The following ITSN1 variants were observed in gnomAD, a reference collection of about 807,000 sequenced individuals.
ITSN1 encodes intersectin 1.
Under a neutral mutation model 239.8 loss-of-function variants are expected in ITSN1, and 58 were observed. The observed-to-expected ratio is 0.24, with a 90% confidence interval of 0.20 to 0.30. The LOEUF (loss-of-function observed/expected upper bound fraction) is 0.30. Among genes scored for constraint, ITSN1 ranks in the 10% least tolerant of loss-of-function variants. The pLI, the probability that ITSN1 is intolerant of heterozygous loss-of-function variation, is 1.00. For synonymous variants in ITSN1, 780 were observed against 770.8 expected, an observed-to-expected ratio of 1.01 and a Z score of -0.20; for missense variants, 1,558 against 2,103.3, an observed-to-expected ratio of 0.74 and a Z score of 5.07.
At chr21:33,729,327 G>T (rs2066021515) in intron 4 of ITSN1, among the ~76,000 whole-genome samples, 1 of 152,022 alleles carries the variant, frequency 6.6e-6, no homozygotes, top group Non-Finnish European at 1.5e-5. Context: ...GCACATGCCT[G>T]TAGTCTCAGC....
intron 1 of ITSN1, among the ~76,000 whole-genome samples, chr21:33,669,185 C>T (rs1466576385): frequency 2.0e-5 from 3 of 152,076 alleles, no homozygotes; most frequent in East Asian, 1.9e-4. Flanking sequence ...TGGGTTCAAG[C>T]GATTCTCCTG....
At chr21:33,818,517 G>A (rs763361314) in intron 23 of ITSN1, 45 bp downstream of exon 23, 2 of 1,476,552 alleles carry the variant, frequency 1.4e-6, no homozygotes, top group Non-Finnish European at 1.9e-6. Flanking sequence ...AACAATATTA[G>A]GCGTTATATT....
At chr21:33,876,112 T>C (rs1420243942) in intron 34 of ITSN1, among the ~76,000 whole-genome samples, 6 of 5,832 alleles carry the variant, frequency 1.0e-3, no homozygotes, top group African/African-American at 8.2e-3. Context: ...CTTCTTTCTT[T>C]CTTTCTTTCT....
intron 33 of ITSN1, among the ~76,000 whole-genome samples, chr21:33,874,587 C>G (rs953579106): frequency 1.3e-5 from 2 of 152,016 alleles, no homozygotes; most frequent in Non-Finnish European, 2.9e-5. Flanking sequence ...GATGCCTGGG[C>G]TCTGCTCCTG....
At chr21:33,647,599 G>C (rs926539258) in intron 1 of ITSN1, among the ~76,000 whole-genome samples, 1 of 151,980 alleles carries the variant, frequency 6.6e-6, no homozygotes, top group East Asian at 1.9e-4. Context: ...AGGTTCAAAT[G>C]AATCTCTTGC....
chr21:33,798,644 G>T (rs977106331), intron 18 of ITSN1, among the ~76,000 whole-genome samples: 14 of 152,104 alleles, frequency 9.2e-5, no homozygotes, highest in Admixed American at 7.9e-4. Flanking sequence ...GGTCATCCAT[G>T]TGCTTCTTTA....
chr21:33,821,410 T>A (rs1175575742), intron 24 of ITSN1, among the ~76,000 whole-genome samples: 1 of 152,238 alleles, frequency 6.6e-6, no homozygotes, highest in Admixed American at 6.5e-5. Flanking sequence ...ATGAGCCTTT[T>A]GTAAATACCA....
chr21:33,773,081 A>G (rs1484337857), intron 12 of ITSN1, among the ~76,000 whole-genome samples: 1 of 147,278 alleles, frequency 6.8e-6, no homozygotes, highest in Non-Finnish European at 1.5e-5. Flanking sequence ...ATCTCAGCTC[A>G]CTGCAACCTC....
chr21:33,835,781 A>C (rs1175731069), intron 28 of ITSN1, among the ~76,000 whole-genome samples: 1 of 152,182 alleles, frequency 6.6e-6, no homozygotes, highest in Non-Finnish European at 1.5e-5. Flanking sequence ...AAATAGAAAA[A>C]TTAGCCAGGC....
At chr21:33,740,227 A>T (rs1044273380) in intron 5 of ITSN1, among the ~76,000 whole-genome samples, 1 of 152,176 alleles carries the variant, frequency 6.6e-6, no homozygotes, top group African/African-American at 2.4e-5. Context: ...GGAGACAGGG[A>T]TGACTACGTT....
At chr21:33,754,850 C>G (rs537256192) in intron 7 of ITSN1, among the ~76,000 whole-genome samples, 2 of 152,214 alleles carry the variant, frequency 1.3e-5, no homozygotes, top group Admixed American at 6.5e-5. Flanking sequence ...TGTATATTCA[C>G]GTATAGAAAG....
chr21:33,806,047 C>CAA (rs762086740), intron 20 of ITSN1, among the ~76,000 whole-genome samples: 30,133 of 112,696 alleles, frequency 0.27, 4,000 homozygotes, highest in East Asian at 0.67. Flanking sequence ...ACTAAAAATA[C>CAA]AAAAAAAAAA....
chr21:33,832,725 C>T (rs1234179193), intron 27 of ITSN1, among the ~76,000 whole-genome samples: 2 of 152,130 alleles, frequency 1.3e-5, no homozygotes, highest in African/African-American at 2.4e-5. Flanking sequence ...AAGCTTTAGT[C>T]CTTGAGCCAA....
intron 4 of ITSN1, among the ~76,000 whole-genome samples, chr21:33,723,629 A>C (rs988765320): frequency 2.0e-5 from 3 of 152,128 alleles, no homozygotes; most frequent in Admixed American, 2.0e-4. Flanking sequence ...AAAAAAGAGC[A>C]TGTGATTTGT....
chr21:33,813,189 T>C (rs950892000), intron 21 of ITSN1, among the ~76,000 whole-genome samples: 4 of 151,906 alleles, frequency 2.6e-5, no homozygotes, highest in African/African-American at 9.7e-5. Context: ...TTTTATTTAT[T>C]TTTCTTTTTG....
chr21:33,802,324 C>A, intron 19 of ITSN1, 106 bp from the exon 20 acceptor site: 1 of 1,128,448 alleles, frequency 8.9e-7, no homozygotes, highest in Non-Finnish European at 1.3e-6. Context: ...GGCTAGTTAA[C>A]CACCAGCTTG....
At position 33,882,421 on chromosome 21, in the gene ITSN1, C is replaced by T; in HGVS notation, c.4520C>T (p.Pro1507Leu). The T allele has an allele frequency of 6.2e-7, 1 of 1,614,008 alleles. No individual in the cohort carries two copies. Among genetic ancestry groups the T allele is most frequent in the Non-Finnish European group, 8.5e-7 (1 of 1,180,006 alleles). The change falls in exon 35 of 40, where the codon CCC becomes CTC. Residue 1507 changes from proline to leucine, a missense_variant. Pro to Leu is a moderately conservative substitution (Grantham distance 98, BLOSUM62 -3). Around this residue, in one of 2 missense-constraint regions of ITSN1, gnomAD observed 576 missense variants for 893.3 expected, o/e 0.64. Coordinates refer to ENST00000381318, the MANE Select transcript of ITSN1 (RefSeq NM_003024.3). The surrounding 1 kb of genome is among the most constrained non-coding windows in gnomAD (Gnocchi z 4.5). Reference protein sequence around the residue: ...GSSGTDKVFSPKSNLQYKMYK... With the variant: ...GSSGTDKVFSLKSNLQYKMYK... ...TCTGGCACCGACAAAGTCTTCAGCC[C>T]CAAATCAAACCTGCAGTATAAAATG...
At chr21:33,834,544 A>G in intron 28 of ITSN1, 120 bp downstream of exon 28, 1 of 706,374 alleles carries the variant, frequency 1.4e-6, no homozygotes, top group Admixed American at 2.3e-5. Flanking sequence ...CACTTCCTGT[A>G]CTTGCTGGGA....
At position 33,893,466 on chromosome 21, in the gene ITSN1, T is replaced by A. The variant is rs2006834; in HGVS notation, c.*5166T>A. 0.27 allele frequency: 41,336 copies of A among 152,042 alleles called. 5,719 individuals are homozygous for A. Among genetic ancestry groups the A allele is most frequent in the East Asian group, 0.32 (1,650 of 5,170 alleles). 9.4% of individuals were successfully genotyped at this position (152,042 alleles called of 1,614,324 possible). On this transcript the variant is annotated 3_prime_UTR_variant, in exon 40 of 40. Transcript: ENST00000381318. The stretch of plus-strand genomic sequence containing the variant: ...TTAGCCAGGGGTGGTGGCAGGCACC[T>A]GTAATCCCAGCTACTCAGGAGGCTG...
Sources: gnomAD v4.1 joint callset for allele counts (sites outside exome capture counted in the v4.1 genomes callset) on GRCh38, gnomAD v4.1.1 for gene constraint, gnomAD v4.1.1 regional missense constraint, Gnocchi (gnomAD v3.1) non-coding constraint, MANE v1.5 for transcripts, NCBI Gene and HGNC (gene_info 2026-07-23, HGNC 2026-07-21) for gene names.